The following THSD7B variants were observed in gnomAD, a reference collection of about 807,000 sequenced individuals.
The protein encoded by THSD7B is thrombospondin type 1 domain containing 7B, also known as thrombospondin type-1 domain-containing protein 7B.
A neutral mutation model predicts 213.6 loss-of-function variants in THSD7B; 138 were observed. The ratio of observed to expected loss-of-function variants is 0.65; its 90% CI spans 0.56 to 0.74. THSD7B has a LOEUF of 0.74. THSD7B is among the 30% of genes least tolerant of loss of function. THSD7B has a pLI of 0.00. For missense variants in THSD7B, 1,931 were observed against 1,991.5 expected, an observed-to-expected ratio of 0.97 and a Z score of 0.58; for synonymous variants, 742 against 687.0, an observed-to-expected ratio of 1.08 and a Z score of -1.25.
At chr2:136,807,459 T>C (rs1053026940) in intron 1 of THSD7B, among the ~76,000 whole-genome samples, 6 of 151,986 alleles carry the variant, frequency 3.9e-5, no homozygotes, top group Admixed American at 2.0e-4. Context: ...CATACCCTTA[T>C]CATTTTGTTT....
intron 14 of THSD7B, among the ~76,000 whole-genome samples, chr2:137,433,605 T>C (rs6718405): frequency 0.95 from 143,919 of 152,138 alleles, 68,102 homozygotes; most frequent in South Asian, 0.97. Flanking sequence ...CCACTCTCCT[T>C]GGCCTGTGAA....
Position 137,656,980 on chromosome 2 carries a change from C to G in THSD7B, c.4279+11C>G. 6.2e-7 allele frequency: 1 copy of G among 1,613,458 alleles called. No homozygotes were observed. Reference sequence around the variant, plus strand: ...CACGCCCTTGTACAGGTACCAAGAGCACTTTTCAGTTCTTTAGCCTTCATT... The same window carrying G: ...CACGCCCTTGTACAGGTACCAAGAGGACTTTTCAGTTCTTTAGCCTTCATT... On this transcript the variant is annotated intron_variant, in intron 23 of 27. Transcript: ENST00000409968.
chr2:137,184,086 A>AT (rs1247327290), intron 7 of THSD7B, among the ~76,000 whole-genome samples: 2 of 152,136 alleles, frequency 1.3e-5, no homozygotes, highest in Non-Finnish European at 2.9e-5. Flanking sequence ...CAAGCTGGAA[A>AT]TCCAAGATCA....
At position 137,069,517 on chromosome 2, in the gene THSD7B, A is replaced by G. The variant is rs143108653; in HGVS notation, c.950+12287A>G. 2.5e-3 allele frequency among the ~76,000 whole-genome samples: 373 copies of G among 152,134 alleles called. 1 individual carries two copies. Among genetic ancestry groups the G allele is most frequent in the African/African-American group, 8.7e-3 (361 of 41,552 alleles). On this transcript the variant is annotated intron_variant, in intron 3 of 27. Transcript: ENST00000409968. ...TGGTTTGGGCATCCTTTTAAGAGCT[A>G]TGATTATTTGGTACATGTTAACCAT...
intron 15 of THSD7B, among the ~76,000 whole-genome samples, chr2:137,478,175 G>A (rs992440114): frequency 5.2e-4 from 79 of 152,122 alleles, no homozygotes; most frequent in African/African-American, 1.8e-3. Context: ...TTGTTAAATA[G>A]GTTTTCTATC....
At chr2:137,592,613 T>C (rs967261650) in intron 17 of THSD7B, among the ~76,000 whole-genome samples, 1 of 151,948 alleles carries the variant, frequency 6.6e-6, no homozygotes, top group Non-Finnish European at 1.5e-5. Context: ...GGATGCATCT[T>C]CACCCAAGCT....
intron 12 of THSD7B, among the ~76,000 whole-genome samples, chr2:137,357,772 T>G (rs540559803): frequency 2.4e-4 from 37 of 152,296 alleles, no homozygotes; most frequent in Admixed American, 1.2e-3. Context: ...TTAACAGTGC[T>G]ATAGGAGGAG....
At chr2:136,773,723 TCTA>T (rs1681551311) in intron 1 of THSD7B, among the ~76,000 whole-genome samples, 1 of 152,094 alleles carries the variant, frequency 6.6e-6, no homozygotes, top group Non-Finnish European at 1.5e-5. Context: ...TATTAACGAC[TCTA>T]CCCTACTGCC....
chr2:137,618,731 T>TA (rs138191400), intron 19 of THSD7B, among the ~76,000 whole-genome samples: 2,989 of 152,288 alleles, frequency 0.02, 44 homozygotes, highest in Middle Eastern at 0.071. Flanking sequence ...ATGGGTTCAT[T>TA]AAAAAATATA....
chr2:136,920,855 G>T (rs1684425474), intron 2 of THSD7B, among the ~76,000 whole-genome samples: 1 of 152,154 alleles, frequency 6.6e-6, no homozygotes, highest in Non-Finnish European at 1.5e-5. Flanking sequence ...ATGCGTCAGT[G>T]CTGCCCTGGC....
rs532542572 is a variant in THSD7B at position 137,106,408 on chromosome 2, A to C, written c.1200-8716A>C. Among the ~76,000 whole-genome samples, 11 of 152,348 alleles carry C rather than the reference A, an allele frequency of 7.2e-5. 1 individual carries two copies. The East Asian group carries it at 2.1e-3, about 29-fold the overall frequency. On this transcript the variant is annotated intron_variant, in intron 4 of 27. Transcript: ENST00000409968. Reference sequence around the variant, plus strand: ...ACAAAAATTAACTCAAGATGGATTAAAGACTTAAACATAAGACCTAAAACT... The same window carrying C: ...ACAAAAATTAACTCAAGATGGATTACAGACTTAAACATAAGACCTAAAACT...
At chr2:137,078,253 A>G (rs527704275) in intron 3 of THSD7B, among the ~76,000 whole-genome samples, 18 of 152,256 alleles carry the variant, frequency 1.2e-4, no homozygotes, top group East Asian at 3.9e-4. Context: ...TTGAAGTCAG[A>G]TAGCGTGATG....
rs1683245650 is a variant in THSD7B at position 137,656,841 on chromosome 2, T to C, written c.4151T>C (p.Leu1384Ser). 1 of 1,613,866 alleles carries C rather than the reference T, an allele frequency of 6.2e-7. No individual in the cohort carries two copies. ...TEWSEWSTCE[L>S]TCIDGRSFET... is the part of the protein sequence containing the mutation. ...TGGTCAGAGTGGAGCACATGTGAAT[T>C]AACCTGCATTGATGGAAGAAGCTTT... The change falls in exon 23 of 28, where the codon TTA becomes TCA. Residue 1384 changes from leucine to serine, a missense_variant. Transcript: ENST00000409968.
chr2:137,677,628 T>C lies in THSD7B; in HGVS notation c.*1023T>C, dbSNP rs1446647945. 2 of 152,650 alleles carry C rather than the reference T, an allele frequency of 1.3e-5. No individual in the cohort carries two copies. The highest frequency in any genetic ancestry group is 3.8e-4 in the East Asian group (2 of 5,198). The allele number at this position is 152,650 out of a possible 1,614,324, so 9.5% of individuals were successfully genotyped here. On this transcript the variant is annotated 3_prime_UTR_variant, in exon 28 of 28. Coordinates refer to ENST00000409968, the MANE Select transcript of THSD7B (RefSeq NM_001316349.2). ...AGCTGAGACCATTTTATGAAGATAATTGTTTGTAATCATAGGTGTTGAAAG... is the reference window on the plus strand; with the variant it reads ...AGCTGAGACCATTTTATGAAGATAACTGTTTGTAATCATAGGTGTTGAAAG...
chr2:137,088,763 G>A (rs1687889939), intron 3 of THSD7B, among the ~76,000 whole-genome samples: 1 of 151,966 alleles, frequency 6.6e-6, no homozygotes, highest in Admixed American at 6.6e-5. Flanking sequence ...ATTCTACAAT[G>A]AACTCAAACC....
intron 4 of THSD7B, among the ~76,000 whole-genome samples, chr2:137,096,325 G>T (rs1688038366): frequency 6.6e-6 from 1 of 152,164 alleles, no homozygotes; most frequent in Admixed American, 6.5e-5. Flanking sequence ...TGTGTGAAGG[G>T]TATGGGTTAC....
chr2:137,046,778 GC>G (rs74593028), intron 2 of THSD7B, among the ~76,000 whole-genome samples: 13,477 of 149,456 alleles, frequency 0.09, 769 homozygotes, highest in East Asian at 0.22. Flanking sequence ...CCATATGGCC[GC>G]CCAGGTATTG....
intron 12 of THSD7B, among the ~76,000 whole-genome samples, chr2:137,356,299 GT>G (rs1182364444): frequency 6.6e-6 from 1 of 152,094 alleles, no homozygotes; most frequent in African/African-American, 2.4e-5. Context: ...TAGAACTTCT[GT>G]CCCCTCCCCT....
intron 12 of THSD7B, among the ~76,000 whole-genome samples, chr2:137,396,239 C>G (rs1419097386): frequency 7.1e-6 from 1 of 140,574 alleles, no homozygotes; most frequent in African/African-American, 2.6e-5. Context: ...TTTTCTAGTT[C>G]TTTTAATTGT....
Sources: gnomAD v4.1 joint callset for allele counts (sites outside exome capture counted in the v4.1 genomes callset) on GRCh38, gnomAD v4.1.1 for gene constraint, MANE v1.5 for transcripts, NCBI Gene and HGNC (gene_info 2026-07-23, HGNC 2026-07-21) for gene names.